The following ERCC6 variants were observed in gnomAD, a reference collection of about 807,000 sequenced individuals.
The protein encoded by ERCC6 is ERCC excision repair 6, chromatin remodeling factor.
In ERCC6, 116 loss-of-function variants were observed where a neutral mutation model predicts 158.7. The observed-to-expected ratio is 0.73, with a 90% confidence interval of 0.63 to 0.85. The LOEUF is 0.85. ERCC6 is among the 40% of genes least tolerant of loss of function. ERCC6 has a pLI of 0.00. For synonymous variants in ERCC6, 678 were observed against 659.3 expected, an observed-to-expected ratio of 1.03 and a Z score of -0.43; for missense variants, 1,698 against 1,799.4, an observed-to-expected ratio of 0.94 and a Z score of 1.02.
chr10:49,500,799 G>A, intron 6 of ERCC6, 103 bp from the exon 7 acceptor site: 2 of 1,214,594 alleles, frequency 1.6e-6, no homozygotes, highest in Non-Finnish European at 2.4e-6. Flanking sequence ...CTAGGTTCTA[G>A]TACCAGTCAG....
intron 7 of ERCC6, among the ~76,000 whole-genome samples, 174 bp downstream of exon 7, chr10:49,500,364 C>G (rs916956554): frequency 6.6e-6 from 1 of 152,112 alleles, no homozygotes; most frequent in Non-Finnish European, 1.5e-5. Context: ...TTCTCCTGCC[C>G]TACAGCTCCA....
Position 49,526,115 on chromosome 10 carries a change from T to TATA in ERCC6, c.653-1339_653-1338insTAT, listed in dbSNP as rs1564443868. ...TTTATATATTTATATATTTATATAT[T>TATA]TTTATATATATATATATATATATAT... On this transcript the variant is annotated intron_variant, in intron 4 of 20. Transcript: ENST00000355832. 7.2e-4 allele frequency among the ~76,000 whole-genome samples: 76 copies of TATA among 105,230 alleles called. 3 individuals are homozygous for TATA. The highest frequency in any genetic ancestry group is 2.1e-3 in the South Asian group (6 of 2,840). 69.0% of individuals were successfully genotyped at this position (105,230 alleles called of 152,430 possible). A position where few individuals can be genotyped will look rare whatever the true frequency, so the allele number is the denominator to read the frequency against.
intron 5 of ERCC6, among the ~76,000 whole-genome samples, chr10:49,509,760 A>G (rs1452711411): frequency 6.6e-6 from 1 of 152,220 alleles, no homozygotes; most frequent in Non-Finnish European, 1.5e-5. Flanking sequence ...AAAGTAGACC[A>G]GTTAACTGAG....
chr10:49,500,026 A>T (rs1171266079), intron 7 of ERCC6, among the ~76,000 whole-genome samples: 1 of 152,144 alleles, frequency 6.6e-6, no homozygotes, highest in Non-Finnish European at 1.5e-5. Context: ...TATCATGCAC[A>T]CTCATTATAA....
chr10:49,460,711 A>G (rs2132525672), intron 19 of ERCC6, among the ~76,000 whole-genome samples: 1 of 152,274 alleles, frequency 6.6e-6, no homozygotes, highest in East Asian at 1.9e-4. Context: ...ACTTGAGGTC[A>G]GGAGGTCGAG....
intron 10 of ERCC6, among the ~76,000 whole-genome samples, chr10:49,481,602 C>T (rs1169549132): frequency 2.0e-5 from 3 of 152,092 alleles, no homozygotes; most frequent in Non-Finnish European, 2.9e-5. Flanking sequence ...AGAAACCGTG[C>T]CTCCCACCCA....
At chr10:49,508,438 A>C (rs767315813) in intron 5 of ERCC6, among the ~76,000 whole-genome samples, 1 of 152,130 alleles carries the variant, frequency 6.6e-6, no homozygotes, top group Non-Finnish European at 1.5e-5. Flanking sequence ...TTGTCGCCAC[A>C]GAACTCAGCA....
Position 49,532,727 on chromosome 10 carries a change from T to C in ERCC6, c.238A>G (p.Ile80Val). ...TGGGCGCTAGGCTCTACTGCCTGGA[T>C]CTGATGTCGGTCGATGTGCAGCAGG... The part of the protein sequence containing the change: ...PALLHIDRHQ[I>V]QAVEPSAQAL... Residue 80 changes from isoleucine (I) to valine (V), a missense_variant, in exon 2 of 21, where the codon ATC becomes GTC. Transcript: ENST00000355832. 6.2e-7 allele frequency: 1 copy of C among 1,614,222 alleles called. No homozygotes were observed.
At chr10:49,523,250 C>T (rs751279337) in intron 5 of ERCC6, among the ~76,000 whole-genome samples, 7 of 152,166 alleles carry the variant, frequency 4.6e-5, no homozygotes, top group Non-Finnish European at 7.3e-5. Context: ...TTGAAATGCG[C>T]GGCAGTAGCA....
chr10:49,509,199 T>C (rs1040189397), intron 5 of ERCC6, among the ~76,000 whole-genome samples: 1 of 152,150 alleles, frequency 6.6e-6, no homozygotes, highest in African/African-American at 2.4e-5. Context: ...TGGGAAGGAT[T>C]AAATAAGGTG....
chr10:49,507,482 T>G lies in ERCC6; in HGVS notation c.1398-1470A>C, dbSNP rs529616195. 1.1e-4 allele frequency among the ~76,000 whole-genome samples: 16 copies of G among 152,338 alleles called. No homozygotes were observed. The South Asian group carries it at 1.2e-3, about 12-fold the overall frequency. On this transcript the variant is annotated intron_variant, in intron 5 of 20. Coordinates refer to ENST00000355832, the MANE Select transcript of ERCC6 (RefSeq NM_000124.4). The stretch of plus-strand genomic sequence containing the variant: ...TTTAATGTCCTTTTTGTGCTTAACT[T>G]CTAAAGGCAATCTCTTCTTCTCCAC...
intron 6 of ERCC6, chr10:49,502,125 A>T (rs980865165): frequency 7.9e-5 from 12 of 152,112 alleles, no homozygotes; most frequent in Non-Finnish European, 1.3e-4. Flanking sequence ...CTCATTTTGG[A>T]CTTCAGCTCA....
At chr10:49,523,264 T>C (rs1012214296) in intron 5 of ERCC6, among the ~76,000 whole-genome samples, 4 of 152,194 alleles carry the variant, frequency 2.6e-5, no homozygotes, top group South Asian at 2.1e-4. Flanking sequence ...AGTAGCACAG[T>C]GTTCAGTGGG....
At chr10:49,435,951 G>A in the ERCC6 span, among the ~76,000 whole-genome samples, 10 of 151,316 alleles carry the variant, frequency 6.6e-5, no homozygotes, top group East Asian at 1.9e-4. Context: ...GCAGTGAGCC[G>A]AGATCGTGCC....
rs1452174369 is a variant in ERCC6 at position 49,524,075 on chromosome 10, T to C, written c.1355A>G (p.Tyr452Cys). Residue 452 changes from tyrosine to cysteine, a missense_variant, in exon 5 of 21, where the codon TAC (tyrosine) becomes TGC (cysteine). Physicochemically the swap from Tyr to Cys is radical, Grantham distance 194. Transcript: ENST00000355832. ...GGGGGRKVGR[Y>C]RDDGDEDYYK... ...ATAATCTTCATCTCCATCATCTCGG[T>C]ATCTTCCCACTTTCCGACCTCCTCC... 6.2e-7 allele frequency: 1 copy of C among 1,613,862 alleles called. No homozygotes were observed. Among genetic ancestry groups the C allele is most frequent in the Non-Finnish European group, 8.5e-7 (1 of 1,180,024 alleles).
intron 12 of ERCC6, among the ~76,000 whole-genome samples, chr10:49,474,889 G>A: frequency 6.6e-6 from 1 of 152,080 alleles, no homozygotes; most frequent in East Asian, 1.9e-4. Context: ...TTCAATAATG[G>A]GGCTCTTCCA....
chr10:49,448,294 T>G, the ERCC6 span, among the ~76,000 whole-genome samples: 1 of 152,236 alleles, frequency 6.6e-6, no homozygotes, highest in Non-Finnish European at 1.5e-5. Flanking sequence ...AGACTAATGA[T>G]GTCAAGCATC....
chr10:49,524,667 T>A lies in ERCC6; in HGVS notation c.763A>T (p.Lys255Ter), dbSNP rs999171980. 6 of 1,613,616 alleles carry A rather than the reference T, an allele frequency of 3.7e-6. No homozygotes were observed. The Admixed American group carries it at 6.7e-5, about 18-fold the overall frequency. ...ATTTTTCTGGGCTTTTTCTCCTGTT[T>A]CTGAGGGATCTGGGTACCAAAAGGT... is the stretch of plus-strand genomic sequence containing the variant. ...MTPFGTQIPQ[K>*]QEKKPRKIML... Residue 255 changes from lysine to a stop codon, truncating the protein, a stop_gained, in exon 5 of 21, where the codon AAA becomes TAA. Coordinates refer to ENST00000355832, the MANE Select transcript of ERCC6 (RefSeq NM_000124.4). LOFTEE classifies it high-confidence loss of function.
chr10:49,488,267 C>G (rs1484918808), intron 8 of ERCC6: 1 of 184,750 alleles, frequency 5.4e-6, no homozygotes, highest in Middle Eastern at 5.1e-4. Flanking sequence ...TGGTGGAAAA[C>G]AACAGCCATA....
Sources: allele counts gnomAD v4.1 joint callset (sites outside exome capture counted in the v4.1 genomes callset), GRCh38; gene constraint gnomAD v4.1.1; transcripts MANE v1.5; gene names NCBI Gene and HGNC (gene_info 2026-07-23, HGNC 2026-07-21).